HIVEP1: variants seen among roughly 807,000 people sequenced by gnomAD.
The protein encoded by HIVEP1 is HIVEP zinc finger 1, also known as zinc finger protein 40.
A neutral mutation model predicts 180.0 loss-of-function variants in HIVEP1; 36 were observed. The ratio of observed to expected loss-of-function variants is 0.20; its 90% CI spans 0.15 to 0.26. The LOEUF (loss-of-function observed/expected upper bound fraction) is 0.26. HIVEP1 is among the 10% of genes least tolerant of loss of function. The pLI, the probability that HIVEP1 is intolerant of heterozygous loss-of-function variation, is 1.00. For synonymous variants in HIVEP1, 1,239 were observed against 1,239.0 expected (o/e 1.00, Z 0.00); for missense variants, 3,143 against 3,268.7 (o/e 0.96, Z 0.94).
Position 12,037,696 on chromosome 6 carries a change from T to G in HIVEP1, c.40+22028T>G, listed in dbSNP as rs969146246. ...GAGAATGAAATCTAAATGATAATTC[T>G]GTTTATTGTTTTTTCCTTTTTTTTT... is the stretch of plus-strand genomic sequence containing the variant. On this transcript the variant is annotated intron_variant, in intron 2 of 8. Transcript: ENST00000379388. The G allele has an allele frequency of 1.5e-5, 6 of 402,570 alleles. No individual in the cohort carries two copies. The East Asian group carries it at 2.1e-4, about 14-fold the overall frequency. The allele number at this position is 402,570 out of a possible 1,614,324, so 24.9% of individuals were successfully genotyped here. A position where few individuals can be genotyped will look rare whatever the true frequency, so the allele number is the denominator to read the frequency against.
rs1757962677 is a variant in HIVEP1 at position 12,124,906 on chromosome 6, T to G, written c.5111T>G (p.Phe1704Cys). ...GCTTTGCCAAACCCAGAGAAGGAAT[T>G]TCTATGTGAAAATGTTTTTTCAGAG... ...QNALPNPEKE[F>C]LCENVFSEMS... The change falls in exon 4 of 9, where the codon TTT becomes TGT. Residue 1704 changes from phenylalanine to cysteine, a missense_variant. Coordinates refer to ENST00000379388, the MANE Select transcript of HIVEP1 (RefSeq NM_002114.4). 1.2e-6 allele frequency: 2 copies of G among 1,614,066 alleles called. No individual in the cohort carries two copies. Among genetic ancestry groups the G allele is most frequent in the East Asian group, 4.5e-5 (2 of 44,888 alleles).
intron 6 of HIVEP1, among the ~76,000 whole-genome samples, 161 bp downstream of exon 6, chr6:12,131,103 T>C (rs1033487895): frequency 6.6e-6 from 1 of 152,072 alleles, no homozygotes; most frequent in Non-Finnish European, 1.5e-5. Context: ...TATATGATTT[T>C]AGACCCATTG....
At position 12,120,019 on chromosome 6, in the gene HIVEP1, A is replaced by T; in HGVS notation, c.224A>T (p.His75Leu). 2 of 1,613,372 alleles carry T rather than the reference A, an allele frequency of 1.2e-6. No homozygotes were observed. The highest frequency in any genetic ancestry group is 1.7e-6 in the Non-Finnish European group (2 of 1,179,822). Residue 75 changes from histidine to leucine, a missense_variant, in exon 4 of 9, where the codon CAT becomes CTT. This residue lies in a region of HIVEP1 where 114 missense variants were observed against 134.5 expected (regional missense o/e 0.85). Transcript: ENST00000379388. ...SPLRNPLQAK[H>L]KQNTEESSFA... ...CTGAGAAATCCTCTTCAGGCAAAAC[A>T]TAAACAAAATACAGAAGAGTCATCT...
At chr6:12,160,929 T>C (rs191545483) in intron 7 of HIVEP1, among the ~76,000 whole-genome samples, 1 of 152,344 alleles carries the variant, frequency 6.6e-6, no homozygotes, top group East Asian at 1.9e-4. Context: ...TCCTTTTCTT[T>C]CCTCATCTAT....
chr6:12,021,641 G>C (rs1199021000), intron 2 of HIVEP1, among the ~76,000 whole-genome samples: 4 of 152,174 alleles, frequency 2.6e-5, no homozygotes, highest in African/African-American at 9.7e-5. Flanking sequence ...GGTCATCTGT[G>C]TGCAACAGAA....
intron 1 of HIVEP1, among the ~76,000 whole-genome samples, chr6:12,015,142 T>G (rs1561853238): frequency 6.6e-6 from 1 of 152,352 alleles, no homozygotes; most frequent in South Asian, 2.1e-4. Context: ...TTGTATTAAC[T>G]GAGTTAACTC....
In HIVEP1 at chr6:12,029,157, C is replaced by G. The variant is rs182225406; in HGVS notation, c.40+13489C>G. Among the ~76,000 whole-genome samples, 284 of 152,320 alleles carry G rather than the reference C, an allele frequency of 1.9e-3. 2 individuals are homozygous for G. Among genetic ancestry groups the G allele is most frequent in the African/African-American group, 6.4e-3 (265 of 41,572 alleles). ...CTTGTGTGAATAATGTTGCTGTAAG[C>G]AATCCCATACAAATCTGTGGTTACA... On this transcript the variant is annotated intron_variant, in intron 2 of 8. Coordinates refer to ENST00000379388, the MANE Select transcript of HIVEP1 (RefSeq NM_002114.4).
intron 7 of HIVEP1, among the ~76,000 whole-genome samples, chr6:12,157,554 C>T (rs901794497): frequency 1.3e-5 from 2 of 152,158 alleles, no homozygotes; most frequent in Admixed American, 1.3e-4. Context: ...AGTTTATACA[C>T]AGCTCCTTCT....
chr6:12,121,382 A>G lies in HIVEP1; in HGVS notation c.1587A>G (p.Leu529=), dbSNP rs1331791118. The stretch of plus-strand genomic sequence containing the variant: ...GGATGTCAAATGCTGAAACTTTACT[A>G]AAATCAAGCTTCACTCCAAGCAGTC... ...IKRMSNAETL[L]KSSFTPSSPE... The change falls in exon 4 of 9, where the codon CTA becomes CTG. Residue 529 remains leucine (L), a synonymous_variant. Coordinates refer to ENST00000379388, the MANE Select transcript of HIVEP1 (RefSeq NM_002114.4). This position sits in a 1 kb window ranked among gnomAD's most constrained non-coding sequence, Gnocchi z 5.3. 1 of 1,614,044 alleles carries G rather than the reference A, an allele frequency of 6.2e-7. No individual in the cohort carries two copies. The highest frequency in any genetic ancestry group is 8.5e-7 in the Non-Finnish European group (1 of 1,180,044).
At chr6:12,009,532 A>G (rs1767174336), upstream of HIVEP1, among the ~76,000 whole-genome samples, 1 of 152,168 alleles carries the variant, frequency 6.6e-6, no homozygotes, top group Non-Finnish European at 1.5e-5. Context: ...TTGACAGTTG[A>G]AACTGCAGTT....
At chr6:12,157,363 T>A (rs1303302295) in intron 7 of HIVEP1, among the ~76,000 whole-genome samples, 2 of 152,204 alleles carry the variant, frequency 1.3e-5, no homozygotes, top group Non-Finnish European at 2.9e-5. Context: ...AACCGTTTTC[T>A]GTTTGTTTCA....
chr6:12,190,030 AT>A, the HIVEP1 span, among the ~76,000 whole-genome samples: 4 of 152,338 alleles, frequency 2.6e-5, no homozygotes, highest in South Asian at 4.1e-4. Flanking sequence ...AGGAAAGCAA[AT>A]TGTAGAACAA....
chr6:12,108,245 C>G (rs1338640250), intron 3 of HIVEP1, among the ~76,000 whole-genome samples: 1 of 152,156 alleles, frequency 6.6e-6, no homozygotes, highest in Admixed American at 6.5e-5. Flanking sequence ...TACAGAGTGC[C>G]GATTGGTGTA....
chr6:12,143,062 C>G (rs184047996), intron 7 of HIVEP1, among the ~76,000 whole-genome samples: 2 of 152,158 alleles, frequency 1.3e-5, no homozygotes, highest in Non-Finnish European at 2.9e-5. Flanking sequence ...GATACCAAAG[C>G]CTGGCAGAGA....
Position 12,069,548 on chromosome 6 carries a change from A to G in HIVEP1, c.41-19636A>G, listed in dbSNP as rs868392183. 9.8e-5 allele frequency among the ~76,000 whole-genome samples: 13 copies of G among 132,264 alleles called. 1 individual carries two copies. In the Middle Eastern group the frequency reaches 0.014, roughly 144 times the overall value. 86.8% of individuals were successfully genotyped at this position (132,264 alleles called of 152,430 possible). A position where few individuals can be genotyped will look rare whatever the true frequency, so the allele number is the denominator to read the frequency against. On this transcript the variant is annotated intron_variant, in intron 2 of 8. Coordinates refer to ENST00000379388, the MANE Select transcript of HIVEP1 (RefSeq NM_002114.4). ...GAGAACATATGGACACAGGAAGGGGAACATCACACTCTGGGGACTGTTCTG... is the reference window on the plus strand; with the variant it reads ...GAGAACATATGGACACAGGAAGGGGGACATCACACTCTGGGGACTGTTCTG...
chr6:12,162,449 A>C (rs1347832151), intron 8 of HIVEP1, among the ~76,000 whole-genome samples: 2 of 152,202 alleles, frequency 1.3e-5, no homozygotes, highest in African/African-American at 2.4e-5. Flanking sequence ...TTGAATTATC[A>C]CATTGCTACA....
intron 3 of HIVEP1, among the ~76,000 whole-genome samples, chr6:12,108,874 G>A (rs1303319889): frequency 1.3e-5 from 2 of 152,256 alleles, no homozygotes; most frequent in African/African-American, 4.8e-5. Context: ...CTCAGGTGCC[G>A]CCAAAGTGGG....
chr6:12,089,826 AAAGTC>A (rs1345823996), intron 3 of HIVEP1, among the ~76,000 whole-genome samples: 1 of 152,076 alleles, frequency 6.6e-6, no homozygotes, highest in Non-Finnish European at 1.5e-5. Context: ...GAAAACTAAC[AAAGTC>A]AAGTGTGTAT....
chr6:12,103,116 A>G (rs867933598), intron 3 of HIVEP1, among the ~76,000 whole-genome samples: 1 of 151,904 alleles, frequency 6.6e-6, no homozygotes, highest in Non-Finnish European at 1.5e-5. Context: ...AGAAATATAC[A>G]TGCTGAAATA....
Sources: gnomAD v4.1 joint callset for allele counts (sites outside exome capture counted in the v4.1 genomes callset) on GRCh38, gnomAD v4.1.1 for gene constraint, gnomAD v4.1.1 regional missense constraint, Gnocchi (gnomAD v3.1) non-coding constraint, MANE v1.5 for transcripts, NCBI Gene and HGNC (gene_info 2026-07-23, HGNC 2026-07-21) for gene names.